The following SYTL2 variants were observed in gnomAD, a reference collection of about 807,000 sequenced individuals.
SYTL2 encodes the protein synaptotagmin-like protein 2.
In SYTL2, 165 loss-of-function variants were observed where a neutral mutation model predicts 198.7. The ratio of observed to expected loss-of-function variants is 0.83; its 90% CI spans 0.73 to 0.94. SYTL2 has a LOEUF of 0.94. Among genes scored for constraint, SYTL2 ranks in the 40% least tolerant of loss-of-function variants. SYTL2 has a pLI of 0.00. For missense variants in SYTL2, 2,835 were observed against 2,582.8 expected (o/e 1.10, Z -2.12); for synonymous variants, 966 against 917.7 (o/e 1.05, Z -0.95).
At chr11:85,754,593 G>A (rs1400846596) in intron 2 of SYTL2, among the ~76,000 whole-genome samples, 2 of 152,146 alleles carry the variant, frequency 1.3e-5, no homozygotes, top group Admixed American at 1.3e-4. Context: ...TCAGGTCACT[G>A]TAATTTTGTA....
At chr11:85,774,107 A>G (rs1393560900) in intron 1 of SYTL2, among the ~76,000 whole-genome samples, 1 of 152,226 alleles carries the variant, frequency 6.6e-6, no homozygotes, top group Admixed American at 6.5e-5. Flanking sequence ...AGCCTTGTTC[A>G]CTACTAATAA....
At position 85,806,130 on chromosome 11, in the gene SYTL2, T is replaced by C. The variant is rs144934210; in HGVS notation, c.-390+4824A>G. 2.7e-3 allele frequency among the ~76,000 whole-genome samples: 417 copies of C among 152,388 alleles called. 2 individuals are homozygous for C. Among genetic ancestry groups the C allele is most frequent in the African/African-American group, 8.6e-3 (359 of 41,592 alleles). On this transcript the variant is annotated intron_variant, in intron 1 of 19. Transcript: ENST00000359152. ...TTTATTAATTAATTTAAATTACTTA[T>C]ACTAAGTTCCCATTGAGTGCCAGGA... is the stretch of plus-strand genomic sequence containing the variant.
chr11:85,792,138 C>G (rs909999852), intron 1 of SYTL2, among the ~76,000 whole-genome samples: 2 of 151,982 alleles, frequency 1.3e-5, no homozygotes, highest in Non-Finnish European at 2.9e-5. Context: ...CAGGGAAAGC[C>G]TATTGCTCTG....
At chr11:85,769,188 G>A (rs1386259751) in intron 1 of SYTL2, among the ~76,000 whole-genome samples, 3 of 152,172 alleles carry the variant, frequency 2.0e-5, no homozygotes, top group African/African-American at 7.2e-5. Context: ...CTAATCCCTG[G>A]AACCTGAAGA....
chr11:85,749,306 AAAAG>A (rs2091368533), intron 2 of SYTL2, among the ~76,000 whole-genome samples: 1 of 152,234 alleles, frequency 6.6e-6, no homozygotes, highest in Admixed American at 6.5e-5. Flanking sequence ...AAAGTGGAAT[AAAAG>A]CTGTAAGGGA....
intron 1 of SYTL2, among the ~76,000 whole-genome samples, chr11:85,777,697 G>C (rs921188156): frequency 6.9e-6 from 1 of 145,844 alleles, no homozygotes; most frequent in African/African-American, 2.5e-5. Context: ...AACAGGAATT[G>C]GGACTCTGGA....
chr11:85,793,833 T>G (rs900705988), intron 1 of SYTL2, among the ~76,000 whole-genome samples: 2 of 152,252 alleles, frequency 1.3e-5, no homozygotes, highest in Non-Finnish European at 2.9e-5. Flanking sequence ...GCAATTGCAT[T>G]TCCACATTGT....
chr11:85,724,574 T>A lies in SYTL2; in HGVS notation c.4784A>T (p.Glu1595Val). 2 of 1,613,498 alleles carry A rather than the reference T, an allele frequency of 1.2e-6. No individual in the cohort carries two copies. The highest frequency in any genetic ancestry group is 1.7e-6 in the Non-Finnish European group (2 of 1,179,826). Residue 1595 changes from glutamate to valine, a missense_variant, in exon 8 of 20, where the codon GAG becomes GTG. Physicochemically the swap from Glu to Val is moderately radical, Grantham distance 121. Around this residue, in one of 3 missense-constraint regions of SYTL2, gnomAD observed 2,645 missense variants for 2,381.7 expected, o/e 1.11. Coordinates refer to ENST00000359152, the MANE Select transcript of SYTL2 (RefSeq NM_206927.4). ...VSVREETHEK[E>V]SSQSEQTRFL... ...CCTGGTCTGCTCTGACTGTGAGGAC[T>A]CCTTCTCGTGAGTTTCTTCTCTCAC...
Position 85,724,745 on chromosome 11 carries a change from G to A in SYTL2, c.4613C>T (p.Ala1538Val), listed in dbSNP as rs1367862817. Residue 1538 changes from alanine to valine, a missense_variant, in exon 8 of 20, where the codon GCC (alanine) becomes GTC (valine). Physicochemically the swap from Ala to Val is moderately conservative, Grantham distance 64 (BLOSUM62 0). Around this residue, in one of 3 missense-constraint regions of SYTL2, gnomAD observed 2,645 missense variants for 2,381.7 expected, o/e 1.11. Coordinates refer to ENST00000359152, the MANE Select transcript of SYTL2 (RefSeq NM_206927.4). ...TTCCTCAGGATGGCATTCAGAAGTG[G>A]CTCGCCTGGGCTCCTCTGTACTACC... is the stretch of plus-strand genomic sequence containing the variant. ...LIGSTEEPRRATSECHPEELK... is the reference protein window; with the variant it reads ...LIGSTEEPRRVTSECHPEELK... 1 of 1,613,348 alleles carries A rather than the reference G, an allele frequency of 6.2e-7. No individual in the cohort carries two copies.
intron 9 of SYTL2, among the ~76,000 whole-genome samples, chr11:85,719,625 G>T (rs1294439032): frequency 6.6e-6 from 1 of 152,100 alleles, no homozygotes; most frequent in Non-Finnish European, 1.5e-5. Flanking sequence ...GGATATGGGG[G>T]TTGGCCGCCT....
At chr11:85,735,005 T>C (rs1461173243) in intron 6 of SYTL2, among the ~76,000 whole-genome samples, 3 of 152,184 alleles carry the variant, frequency 2.0e-5, no homozygotes, top group Non-Finnish European at 2.9e-5. Flanking sequence ...ACCCATAGAA[T>C]GTACACCATG....
In SYTL2 at chr11:85,764,467, C is replaced by T. The variant is rs990451309; in HGVS notation, c.-389-6353G>A. Among the ~76,000 whole-genome samples the T allele has an allele frequency of 8.5e-5, 13 of 152,344 alleles. No individual in the cohort carries two copies. The East Asian group carries it at 2.1e-3, about 25-fold the overall frequency. ...AGGATATGATTTGAACCCAAGTCTT[C>T]AGATTCTGAAGCCACTATTTTTCAT... On this transcript the variant is annotated intron_variant, in intron 1 of 19. Transcript: ENST00000359152.
intron 1 of SYTL2, among the ~76,000 whole-genome samples, chr11:85,781,586 T>C (rs893703567): frequency 9.2e-5 from 14 of 152,254 alleles, no homozygotes; most frequent in Admixed American, 7.8e-4. Context: ...CCAAGTCCCT[T>C]ATACTTATGA....
chr11:85,717,621 C>G, intron 10 of SYTL2, 91 bp from the exon 11 acceptor site: 6 of 1,048,488 alleles, frequency 5.7e-6, no homozygotes, highest in Non-Finnish European at 8.9e-6. Context: ...AGTTTCACAA[C>G]TGAGACAGCA....
At chr11:85,847,602 T>C in the SYTL2 span, among the ~76,000 whole-genome samples, 1 of 152,206 alleles carries the variant, frequency 6.6e-6, no homozygotes, top group African/African-American at 2.4e-5. Context: ...TATATGAAAG[T>C]TCCAGTTACT....
the SYTL2 span, among the ~76,000 whole-genome samples, chr11:85,827,398 A>C: frequency 2.0e-5 from 3 of 152,166 alleles, no homozygotes; most frequent in Non-Finnish European, 4.4e-5. Context: ...AGCTCACCTC[A>C]CTACCCCTAT....
intron 1 of SYTL2, among the ~76,000 whole-genome samples, chr11:85,771,171 A>G (rs2092347493): frequency 6.6e-6 from 1 of 152,236 alleles, no homozygotes; most frequent in Non-Finnish European, 1.5e-5. Flanking sequence ...GGAAAAAAAC[A>G]TAAATAGTTA....
chr11:85,799,280 G>C (rs1037227962), intron 1 of SYTL2, among the ~76,000 whole-genome samples: 4 of 152,148 alleles, frequency 2.6e-5, no homozygotes, highest in Non-Finnish European at 4.4e-5. Flanking sequence ...TGGAACAAAA[G>C]GGAAGATAAG....
At chr11:85,718,679 T>C in intron 10 of SYTL2, 111 bp downstream of exon 10, 1 of 880,896 alleles carries the variant, frequency 1.1e-6, no homozygotes, top group Non-Finnish European at 1.8e-6. Context: ...ATTCACCACA[T>C]AGTGGCAAAT....
Sources: allele counts gnomAD v4.1 joint callset (sites outside exome capture counted in the v4.1 genomes callset), GRCh38; gene constraint gnomAD v4.1.1; regional missense constraint gnomAD v4.1.1; transcripts MANE v1.5; gene names NCBI Gene and HGNC (gene_info 2026-07-23, HGNC 2026-07-21).